The following PCSK2 variants were observed in gnomAD, a reference collection of about 807,000 sequenced individuals.
PCSK2 encodes neuroendocrine convertase 2.
PCSK2 carries 14 observed loss-of-function variants against 69.7 expected under a neutral mutation model. The ratio of observed to expected loss-of-function variants is 0.20; its 90% CI spans 0.13 to 0.31. The LOEUF (loss-of-function observed/expected upper bound fraction) is 0.31. PCSK2 is among the 10% of genes least tolerant of loss of function. PCSK2 has a pLI of 1.00. For missense variants in PCSK2, 544 were observed against 842.5 expected (o/e 0.65, Z 4.39); for synonymous variants, 307 against 320.7 (o/e 0.96, Z 0.46).
intron 7 of PCSK2, among the ~76,000 whole-genome samples, chr20:17,432,284 C>A (rs777117269): frequency 6.6e-6 from 1 of 152,044 alleles, no homozygotes; most frequent in Non-Finnish European, 1.5e-5. Flanking sequence ...AGCCCCTAAC[C>A]CATTTTAATC....
intron 7 of PCSK2, among the ~76,000 whole-genome samples, chr20:17,434,083 A>G (rs1363507150): frequency 1.2e-5 from 1 of 81,510 alleles, no homozygotes; most frequent in Non-Finnish European, 2.4e-5. Flanking sequence ...TTCTCTCTCT[A>G]CCTTCTCTCT....
chr20:17,460,449 T>G (rs1259233393), intron 10 of PCSK2, among the ~76,000 whole-genome samples: 2 of 152,190 alleles, frequency 1.3e-5, no homozygotes, highest in Non-Finnish European at 2.9e-5. Flanking sequence ...AATGCATTGC[T>G]GTTCTGAATA....
chr20:17,417,196 TA>T (rs1179936328), intron 6 of PCSK2, among the ~76,000 whole-genome samples: 1 of 152,134 alleles, frequency 6.6e-6, no homozygotes, highest in Non-Finnish European at 1.5e-5. Context: ...TAAGAAAAAC[TA>T]AAAACACTAA....
At chr20:17,474,425 C>T (rs553171937) in intron 11 of PCSK2, among the ~76,000 whole-genome samples, 6 of 152,278 alleles carry the variant, frequency 3.9e-5, no homozygotes, top group East Asian at 1.9e-4. Flanking sequence ...ACCTGTCTTT[C>T]GGCTTTCCAA....
intron 2 of PCSK2, among the ~76,000 whole-genome samples, chr20:17,288,344 C>G (rs1010022682): frequency 6.6e-6 from 1 of 152,196 alleles, no homozygotes; most frequent in African/African-American, 2.4e-5. Flanking sequence ...TGGTCTGTCA[C>G]AGAGGAGGGT....
intron 2 of PCSK2, among the ~76,000 whole-genome samples, chr20:17,330,110 A>T (rs1457283046): frequency 6.6e-6 from 1 of 152,214 alleles, no homozygotes; most frequent in Non-Finnish European, 1.5e-5. Flanking sequence ...TTATAATGAG[A>T]TATTTTACAT....
chr20:17,373,173 G>A (rs527841433), intron 5 of PCSK2, among the ~76,000 whole-genome samples: 1 of 152,144 alleles, frequency 6.6e-6, no homozygotes, highest in African/African-American at 2.4e-5. Flanking sequence ...GAGGATTCTA[G>A]GAAGCAGGGG....
intron 8 of PCSK2, among the ~76,000 whole-genome samples, chr20:17,443,674 G>A (rs536781528): frequency 6.6e-6 from 1 of 152,056 alleles, no homozygotes; most frequent in East Asian, 1.9e-4. Flanking sequence ...CACATCCCTG[G>A]GTGCCCCTGT....
Position 17,325,406 on chromosome 20 carries a change from T to A in PCSK2, c.283-32921T>A, listed in dbSNP as rs557597202. Among the ~76,000 whole-genome samples, 8 of 152,360 alleles carry A rather than the reference T, an allele frequency of 5.3e-5. No homozygotes were observed. The South Asian group carries it at 1.7e-3, about 32-fold the overall frequency. On this transcript the variant is annotated intron_variant, in intron 2 of 11. Transcript: ENST00000262545. ...GAGGTGAGGCAGCTCATATTTTCAA[T>A]GAGAAAGATGTTCTCTCATGACAGA...
chr20:17,239,594 A>G (rs1221246506), intron 1 of PCSK2, among the ~76,000 whole-genome samples: 1 of 152,128 alleles, frequency 6.6e-6, no homozygotes, highest in Non-Finnish European at 1.5e-5. Flanking sequence ...ACCAAAGAAG[A>G]GTTATGGGAG....
At chr20:17,281,331 G>A (rs1157757704) in intron 2 of PCSK2, among the ~76,000 whole-genome samples, 1 of 152,166 alleles carries the variant, frequency 6.6e-6, no homozygotes, top group Non-Finnish European at 1.5e-5. Flanking sequence ...TGGCCCTGAT[G>A]AAGAATGCAG....
At chr20:17,347,849 A>G (rs6136078) in intron 2 of PCSK2, among the ~76,000 whole-genome samples, 4,023 of 103,306 alleles carry the variant, frequency 0.039, 271 homozygotes, top group East Asian at 0.15. Context: ...AGAAAGAAAG[A>G]AAGAAAGAAA....
At chr20:17,379,862 G>A (rs1024635227) in intron 5 of PCSK2, among the ~76,000 whole-genome samples, 17 of 152,206 alleles carry the variant, frequency 1.1e-4, no homozygotes, top group African/African-American at 3.1e-4. Context: ...CCCTTTAAAA[G>A]GTAATCTACA....
At chr20:17,465,298 C>T (rs1171550638) in intron 10 of PCSK2, 28 bp from the exon 11 acceptor site, 5 of 1,561,810 alleles carry the variant, frequency 3.2e-6, no homozygotes, top group Non-Finnish European at 4.4e-6. Flanking sequence ...TTGCCCTTGC[C>T]CTCTTGCTCT....
intron 2 of PCSK2, among the ~76,000 whole-genome samples, chr20:17,336,908 C>T (rs893234635): frequency 6.6e-6 from 1 of 152,050 alleles, no homozygotes; most frequent in Non-Finnish European, 1.5e-5. Flanking sequence ...TTGGTTATAC[C>T]CTTGGAAATG....
At chr20:17,367,472 A>T (rs1197189776) in intron 4 of PCSK2, among the ~76,000 whole-genome samples, 1 of 152,254 alleles carries the variant, frequency 6.6e-6, no homozygotes, top group Non-Finnish European at 1.5e-5. Flanking sequence ...AAAGCCACAC[A>T]AGTGTTAGTG....
intron 5 of PCSK2, among the ~76,000 whole-genome samples, chr20:17,369,944 G>A (rs2030708418): frequency 1.3e-5 from 2 of 152,256 alleles, no homozygotes; most frequent in South Asian, 4.2e-4. Flanking sequence ...CCATAACATT[G>A]AGAATTACTA....
chr20:17,466,389 G>T (rs1192439717), intron 11 of PCSK2, among the ~76,000 whole-genome samples: 1 of 152,204 alleles, frequency 6.6e-6, no homozygotes, highest in African/African-American at 2.4e-5. Context: ...GCTGAAGAGT[G>T]TTCCAGTGTA....
chr20:17,230,906 C>T (rs1022483583), intron 1 of PCSK2, among the ~76,000 whole-genome samples: 3 of 152,210 alleles, frequency 2.0e-5, no homozygotes, highest in Non-Finnish European at 4.4e-5. Flanking sequence ...TTTATCATGA[C>T]CTGGCCCTGG....
Sources: allele counts gnomAD v4.1 joint callset (sites outside exome capture counted in the v4.1 genomes callset), GRCh38; gene constraint gnomAD v4.1.1; transcripts MANE v1.5; gene names NCBI Gene and HGNC (gene_info 2026-07-23, HGNC 2026-07-21).